GRIN2A: variants seen among roughly 807,000 people sequenced by gnomAD.
GRIN2A encodes glutamate receptor ionotropic, NMDA 2A.
A neutral mutation model predicts 113.4 loss-of-function variants in GRIN2A; 22 were observed. The ratio of observed to expected loss-of-function variants is 0.19; its 90% CI spans 0.14 to 0.28. GRIN2A has a LOEUF of 0.28. Ranked by LOEUF, GRIN2A falls within the 10% of genes least tolerant of loss-of-function variation. The pLI is 1.00. For synonymous variants in GRIN2A, 827 were observed against 738.4 expected, an observed-to-expected ratio of 1.12 and a Z score of -1.94; for missense variants, 1,502 against 1,887.0, an observed-to-expected ratio of 0.80 and a Z score of 3.78.
intron 3 of GRIN2A, among the ~76,000 whole-genome samples, chr16:9,906,138 A>G (rs985911342): frequency 6.6e-6 from 1 of 152,196 alleles, no homozygotes; most frequent in African/African-American, 2.4e-5. Context: ...TACTCATATC[A>G]AGCCCACTTG....
intron 2 of GRIN2A, among the ~76,000 whole-genome samples, chr16:10,176,439 C>T (rs988998001): frequency 6.6e-6 from 1 of 152,068 alleles, no homozygotes; most frequent in African/African-American, 2.4e-5. Context: ...TGTTATAAGG[C>T]TTTGTTATTT....
At chr16:10,112,392 T>C in intron 2 of GRIN2A, 1 of 691,270 alleles carries the variant, frequency 1.4e-6, no homozygotes, top group East Asian at 2.5e-5. Flanking sequence ...AGTGATGGCC[T>C]GCGGTCAGCC....
At chr16:10,028,174 CTA>C (rs144696479) in intron 2 of GRIN2A, among the ~76,000 whole-genome samples, 163 of 152,334 alleles carry the variant, frequency 1.1e-3, no homozygotes, top group African/African-American at 3.7e-3. Context: ...TGCAGCAACT[CTA>C]TGAGGCAGGA....
At chr16:10,109,345 G>GA (rs35123641) in intron 2 of GRIN2A, among the ~76,000 whole-genome samples, 40 of 146,620 alleles carry the variant, frequency 2.7e-4, no homozygotes, top group East Asian at 6.0e-4. Flanking sequence ...AACATTTAAG[G>GA]AAAAAAAAAA....
intron 2 of GRIN2A, among the ~76,000 whole-genome samples, chr16:10,152,313 G>A (rs796275387): frequency 3.3e-5 from 5 of 152,196 alleles, no homozygotes; most frequent in African/African-American, 7.2e-5. Context: ...CTGTCCATAC[G>A]CACCATGTAC....
intron 2 of GRIN2A, among the ~76,000 whole-genome samples, chr16:10,149,055 G>T (rs1216105192): frequency 6.6e-6 from 1 of 152,196 alleles, no homozygotes. Context: ...GTAGTGCAAT[G>T]GTTACCAGAG....
chr16:10,179,831 T>A, intron 2 of GRIN2A, 167 bp downstream of exon 2: 1 of 671,734 alleles, frequency 1.5e-6, no homozygotes, highest in East Asian at 2.7e-5. Flanking sequence ...CATTTCTGGG[T>A]TGGAGAGGCA....
chr16:9,980,274 A>G (rs891482002), intron 2 of GRIN2A, among the ~76,000 whole-genome samples: 1 of 152,074 alleles, frequency 6.6e-6, no homozygotes, highest in Non-Finnish European at 1.5e-5. Flanking sequence ...CTCAAAAAAA[A>G]AAAAAGAGAG....
chr16:9,905,865 T>C (rs752478044), intron 3 of GRIN2A, among the ~76,000 whole-genome samples: 7 of 152,206 alleles, frequency 4.6e-5, no homozygotes, highest in Non-Finnish European at 1.0e-4. Context: ...TAAACCAATG[T>C]AATAGTGACT....
chr16:9,893,265 T>C (rs562762136), intron 3 of GRIN2A, among the ~76,000 whole-genome samples: 2 of 152,206 alleles, frequency 1.3e-5, no homozygotes, highest in Admixed American at 6.5e-5. Flanking sequence ...GGCTTGTCTA[T>C]GTCTAAAAGG....
At chr16:10,140,942 C>T (rs2049314729) in intron 2 of GRIN2A, among the ~76,000 whole-genome samples, 1 of 152,118 alleles carries the variant, frequency 6.6e-6, no homozygotes, top group South Asian at 2.1e-4. Flanking sequence ...GCCTGTAATC[C>T]CAGAAATTTT....
chr16:9,978,571 C>T (rs1342162974), intron 2 of GRIN2A, among the ~76,000 whole-genome samples: 1 of 152,040 alleles, frequency 6.6e-6, no homozygotes, highest in Non-Finnish European at 1.5e-5. Flanking sequence ...CCTCTTACTC[C>T]TCCTTAATGA....
At chr16:9,947,185 A>G (rs1201611965) in intron 2 of GRIN2A, among the ~76,000 whole-genome samples, 2 of 152,072 alleles carry the variant, frequency 1.3e-5, no homozygotes, top group Non-Finnish European at 2.9e-5. Context: ...TTCCTGGGAC[A>G]CCCACCTCTC....
chr16:9,753,967 C>T lies in GRIN2A; in HGVS notation c.*9182G>A, dbSNP rs185456154. On this transcript the variant is annotated 3_prime_UTR_variant, in exon 13 of 13. Transcript: ENST00000330684. ...CATAAACCTGGATAGCTGCTTAATT[C>T]AATAACTTTCTTGCAGGCAATGACC... The T allele has an allele frequency of 3.3e-5, 6 of 179,218 alleles. No homozygotes were observed. Among genetic ancestry groups the T allele is most frequent in the Admixed American group, 6.3e-5 (1 of 15,868 alleles). The allele number at this position is 179,218 out of a possible 1,614,324, so 11.1% of individuals were successfully genotyped here. A position where few individuals can be genotyped will look rare whatever the true frequency, so the allele number is the denominator to read the frequency against.
At chr16:10,011,328 T>C (rs892474774) in intron 2 of GRIN2A, among the ~76,000 whole-genome samples, 1 of 152,212 alleles carries the variant, frequency 6.6e-6, no homozygotes, top group Non-Finnish European at 1.5e-5. Context: ...CTAAGGTACC[T>C]GTGGGATTGC....
In GRIN2A at chr16:9,759,315, T is replaced by G. The variant is rs1900482603; in HGVS notation, c.*3834A>C. 4.5e-6 allele frequency: 1 copy of G among 221,920 alleles called. No individual in the cohort carries two copies. Among genetic ancestry groups the G allele is most frequent in the African/African-American group, 2.2e-5 (1 of 44,758 alleles). 13.7% of individuals were successfully genotyped at this position (221,920 alleles called of 1,614,324 possible). ...CATCAACATTTTTTTTCTTTTTCATTAGCAATTCTATTTGCAAATAATTCA... is the reference window on the plus strand; with the variant it reads ...CATCAACATTTTTTTTCTTTTTCATGAGCAATTCTATTTGCAAATAATTCA... On this transcript the variant is annotated 3_prime_UTR_variant, in exon 13 of 13. Transcript: ENST00000330684.
chr16:10,050,444 G>C (rs2047338483), intron 2 of GRIN2A, among the ~76,000 whole-genome samples: 1 of 152,046 alleles, frequency 6.6e-6, no homozygotes, highest in Non-Finnish European at 1.5e-5. Context: ...TGTCAGATAA[G>C]TGGCAGCATT....
intron 2 of GRIN2A, among the ~76,000 whole-genome samples, chr16:10,146,614 G>C (rs1208676413): frequency 6.6e-6 from 1 of 152,002 alleles, no homozygotes; most frequent in Non-Finnish European, 1.5e-5. Flanking sequence ...CTATTTCAGA[G>C]TGACAGCTAT....
chr16:9,948,465 T>A (rs1231952826), intron 2 of GRIN2A, among the ~76,000 whole-genome samples: 1 of 152,136 alleles, frequency 6.6e-6, no homozygotes, highest in Non-Finnish European at 1.5e-5. Context: ...ATGCCCAATA[T>A]CATGCTGCAA....
Sources: allele counts gnomAD v4.1 joint callset (sites outside exome capture counted in the v4.1 genomes callset), GRCh38; gene constraint gnomAD v4.1.1; transcripts MANE v1.5; gene names NCBI Gene and HGNC (gene_info 2026-07-23, HGNC 2026-07-21).